Variants in FMO3 observed in about 807,000 individuals in gnomAD.
The protein encoded by FMO3 is flavin containing dimethylaniline monoxygenase 3.
A neutral mutation model predicts 39.4 loss-of-function variants in FMO3; 40 were observed. That is an observed-to-expected ratio of 1.02 (90% CI 0.79 to 1.32). The LOEUF (loss-of-function observed/expected upper bound fraction) is 1.32, where lower values mean the gene tolerates loss of function less well. FMO3 is among the 40% of genes most tolerant of loss of function. FMO3 has a pLI of 0.00. For missense variants in FMO3, 680 were observed against 651.8 expected, an observed-to-expected ratio of 1.04 and a Z score of -0.47; for synonymous variants, 219 against 228.8, an observed-to-expected ratio of 0.96 and a Z score of 0.39.
chr1:171,113,007 T>C (rs1223869831), intron 6 of FMO3, among the ~76,000 whole-genome samples: 1 of 152,142 alleles, frequency 6.6e-6, no homozygotes, highest in Non-Finnish European at 1.5e-5. Flanking sequence ...TTATGTTAAA[T>C]GCTAAGTTGA....
intron 2 of FMO3, chr1:171,100,192 C>T (rs1328022556): frequency 1.3e-5 from 2 of 152,214 alleles, no homozygotes; most frequent in Non-Finnish European, 2.9e-5. Context: ...TTGAGAGGAA[C>T]ACAGCCAAAG....
At chr1:171,105,633 A>AC (rs1371314396) in intron 3 of FMO3, among the ~76,000 whole-genome samples, 3 of 152,114 alleles carry the variant, frequency 2.0e-5, no homozygotes, top group African/African-American at 7.2e-5. Flanking sequence ...AGTATAATAA[A>AC]AAAAAAAGAG....
chr1:171,108,181 G>T lies in FMO3; in HGVS notation c.587G>T (p.Gly196Val). The change falls in exon 5 of 9, where the codon GGC (glycine) becomes GTC (valine). Residue 196 changes from glycine (G) to valine (V), a missense_variant. Physicochemically the swap from Gly to Val is moderately radical, Grantham distance 109. Transcript: ENST00000367755. ...CTGGTGGTTGGCCTGGGGAATTCGG[G>T]CTGTGATATTGCCACAGAACTCAGC... ...RVLVVGLGNS[G>V]CDIATELSRT... is the part of the protein sequence containing the mutation. 2.5e-6 allele frequency: 4 copies of T among 1,613,888 alleles called. No individual in the cohort carries two copies. Among genetic ancestry groups the T allele is most frequent in the Non-Finnish European group, 3.4e-6 (4 of 1,179,906 alleles).
intron 2 of FMO3, among the ~76,000 whole-genome samples, chr1:171,098,680 G>T (rs1343804772): frequency 6.6e-6 from 1 of 152,176 alleles, no homozygotes; most frequent in East Asian, 1.9e-4. Flanking sequence ...TCAGCTTAAG[G>T]AGATTTTGGG....
At position 171,107,730 on chromosome 1, in the gene FMO3, A is replaced by G. The variant is rs1400380306; in HGVS notation, c.377A>G (p.Asp126Gly). 6.2e-7 allele frequency: 1 copy of G among 1,613,274 alleles called. No individual in the cohort carries two copies. The highest frequency in any genetic ancestry group is 8.5e-7 in the Non-Finnish European group (1 of 1,179,280). ...HPDFATTGQW[D>G]VTTERDGKKE... ...GATTTTGCAACTACTGGCCAGTGGG[A>G]TGTTACCACTGAAAGGGATGGTAAA... The change falls in exon 4 of 9, where the codon GAT becomes GGT. Residue 126 changes from aspartate to glycine, a missense_variant. By Grantham distance (94) the Asp-to-Gly change is moderately conservative. Coordinates refer to ENST00000367755, the MANE Select transcript of FMO3 (RefSeq NM_001002294.3).
intron 2 of FMO3, chr1:171,101,933 CT>C: frequency 2.8e-6 from 1 of 353,270 alleles, no homozygotes; most frequent in South Asian, 2.2e-5. Context: ...TTTTTCTGGA[CT>C]ATGTATCAAT....
At chr1:171,096,897 G>A (rs1282054842) in intron 2 of FMO3, among the ~76,000 whole-genome samples, 2 of 151,244 alleles carry the variant, frequency 1.3e-5, no homozygotes, top group Non-Finnish European at 2.9e-5. Flanking sequence ...CCATTAACTT[G>A]TCATTTAGCA....
chr1:171,117,796 G>A lies in FMO3; in HGVS notation c.*354G>A, dbSNP rs1417194760. 5.6e-6 allele frequency: 1 copy of A among 179,086 alleles called. No individual in the cohort carries two copies. Among genetic ancestry groups the A allele is most frequent in the Non-Finnish European group, 1.2e-5 (1 of 84,990 alleles). 11.1% of individuals were successfully genotyped at this position (179,086 alleles called of 1,614,324 possible). ...GATGTATTTTAAATCTAAATAAAGA[G>A]CAAATTAAGCAGAATAATTATAATA... On this transcript the variant is annotated 3_prime_UTR_variant, in exon 9 of 9. Coordinates refer to ENST00000367755, the MANE Select transcript of FMO3 (RefSeq NM_001002294.3).
At chr1:171,115,074 C>G (rs1362910560) in intron 7 of FMO3, among the ~76,000 whole-genome samples, 1 of 152,166 alleles carries the variant, frequency 6.6e-6, no homozygotes, top group Non-Finnish European at 1.5e-5. Flanking sequence ...ATGCAGATCA[C>G]ACGACCAGGT....
chr1:171,091,787 A>G (rs1309282079), intron 1 of FMO3, among the ~76,000 whole-genome samples: 6 of 152,104 alleles, frequency 3.9e-5, no homozygotes. Flanking sequence ...GGTGAAGTAC[A>G]TTATTGATGG....
At chr1:171,096,862 C>T (rs1655118078) in intron 2 of FMO3, among the ~76,000 whole-genome samples, 1 of 150,320 alleles carries the variant, frequency 6.7e-6, no homozygotes, top group South Asian at 2.1e-4. Context: ...CATATGTATA[C>T]ATGTGCCATG....
intron 2 of FMO3, among the ~76,000 whole-genome samples, chr1:171,096,238 A>C (rs1313967657): frequency 1.2e-5 from 1 of 85,112 alleles, no homozygotes; most frequent in Non-Finnish European, 2.0e-5. Context: ...AAAATATATT[A>C]TTTCATACAT....
chr1:171,103,696 G>C, intron 2 of FMO3, 89 bp from the exon 3 acceptor site: 1 of 1,077,770 alleles, frequency 9.3e-7, no homozygotes, highest in South Asian at 1.2e-5. Flanking sequence ...AGATACCAAG[G>C]GATGACTGTA....
At chr1:171,110,289 A>G (rs1411363546) in intron 5 of FMO3, among the ~76,000 whole-genome samples, 1 of 152,208 alleles carries the variant, frequency 6.6e-6, no homozygotes, top group Admixed American at 6.5e-5. Flanking sequence ...ATTTGTAGAC[A>G]GCAATAGTTA....
Position 171,096,166 on chromosome 1 carries a change from A to G in FMO3, c.132+3376A>G, listed in dbSNP as rs1167644736. On this transcript the variant is annotated intron_variant, in intron 2 of 8. Transcript: ENST00000367755. ...ATATTGATATGAATATATAATATAT[A>G]TAATTATATATAATATATTAATATA... is the stretch of plus-strand genomic sequence containing the variant. Among the ~76,000 whole-genome samples the G allele has an allele frequency of 2.7e-5, 2 of 73,650 alleles. 1 individual carries two copies. The highest frequency in any genetic ancestry group is 1.3e-4 in the African/African-American group (2 of 15,464). The allele number at this position is 73,650 out of a possible 152,430, so 48.3% of individuals were successfully genotyped here.
At chr1:171,092,560 A>ATTT in intron 1 of FMO3, 93 bp from the exon 2 acceptor site, 1 of 1,475,754 alleles carries the variant, frequency 6.8e-7, no homozygotes, top group Non-Finnish European at 9.4e-7. Flanking sequence ...AGTTTTTATT[A>ATTT]AGCCAAAGAG....
rs1307554902 is a variant in FMO3, at chr1:171,103,817, CAA to C, written c.167_168del (p.Lys56IlefsTer21). The C allele has an allele frequency of 2.5e-6, 4 of 1,613,776 alleles. No homozygotes were observed. In the African/African-American group the frequency reaches 5.3e-5, roughly 22 times the overall value. On this transcript the variant is annotated frameshift_variant, in exon 3 of 9. Coordinates refer to ENST00000367755, the MANE Select transcript of FMO3 (RefSeq NM_001002294.3). LOFTEE classifies it high-confidence loss of function. ...HAEEGRASIYKSVFSNSSKEM... is the reference protein window; with the variant it reads ...HAEEGRASIYXSVFSNSSKEM... The stretch of plus-strand genomic sequence containing the variant: ...CAGAGGAGGGCAGGGCTAGCATTTA[CAA>C]ATCAGTCTTTTCCAACTCTTCCAAA...
At chr1:171,096,132 AATT>A (rs1226321867) in intron 2 of FMO3, among the ~76,000 whole-genome samples, 5 of 79,520 alleles carry the variant, frequency 6.3e-5, no homozygotes, top group Admixed American at 2.4e-4. Flanking sequence ...ATAATATAGT[AATT>A]ATTATATATT....
At chr1:171,097,737 G>A (rs1225019440) in intron 2 of FMO3, among the ~76,000 whole-genome samples, 18 of 150,554 alleles carry the variant, frequency 1.2e-4, no homozygotes, top group Non-Finnish European at 1.5e-5. Context: ...CCCATTTTAT[G>A]GGTTGCCTGT....
Sources: gnomAD v4.1 joint callset for allele counts (sites outside exome capture counted in the v4.1 genomes callset) on GRCh38, gnomAD v4.1.1 for gene constraint, MANE v1.5 for transcripts, NCBI Gene and HGNC (gene_info 2026-07-23, HGNC 2026-07-21) for gene names.